The following TOP6BL variants were observed in gnomAD, a reference collection of about 807,000 sequenced individuals.
The protein encoded by TOP6BL is TOP6B like initiator of meiotic double strand breaks.
At chr11:66,770,480 G>C in the TOP6BL span, among the ~76,000 whole-genome samples, 1 of 152,076 alleles carries the variant, frequency 6.6e-6, no homozygotes, top group Admixed American at 6.5e-5. Context: ...GAGGTGGGAG[G>C]ATCACCTGAG....
chr11:66,840,766 C>CTG, the TOP6BL span, among the ~76,000 whole-genome samples: 1 of 152,202 alleles, frequency 6.6e-6, no homozygotes, highest in African/African-American at 2.4e-5. Flanking sequence ...AAATTTGGCA[C>CTG]TGTAAGGCTA....
chr11:66,779,364 C>G, the TOP6BL span, among the ~76,000 whole-genome samples: 1 of 152,150 alleles, frequency 6.6e-6, no homozygotes, highest in Non-Finnish European at 1.5e-5. Context: ...TGAACAGACA[C>G]TTCTCAAAAG....
chr11:66,746,076 G>T, the TOP6BL span, among the ~76,000 whole-genome samples: 1 of 152,084 alleles, frequency 6.6e-6, no homozygotes, highest in Non-Finnish European at 1.5e-5. Flanking sequence ...CTCCCAAAGT[G>T]CTGGGACCGG....
the TOP6BL span, among the ~76,000 whole-genome samples, chr11:66,781,024 G>A: frequency 3.3e-5 from 5 of 151,910 alleles, no homozygotes; most frequent in African/African-American, 9.7e-5. Context: ...ATATACCTAG[G>A]TGTGATTTTC....
the TOP6BL span, among the ~76,000 whole-genome samples, chr11:66,770,023 G>A: frequency 5.9e-5 from 9 of 152,104 alleles, no homozygotes; most frequent in Non-Finnish European, 1.0e-4. Flanking sequence ...GGGATTACAG[G>A]CGTGAGCCAC....
At chr11:66,818,546 A>G in the TOP6BL span, among the ~76,000 whole-genome samples, 1 of 152,218 alleles carries the variant, frequency 6.6e-6, no homozygotes, top group South Asian at 2.1e-4. Context: ...TGTGGAAAAG[A>G]CATCAGGGTG....
the TOP6BL span, among the ~76,000 whole-genome samples, chr11:66,814,450 A>G: frequency 1.3e-5 from 2 of 151,936 alleles, no homozygotes; most frequent in African/African-American, 2.4e-5. Flanking sequence ...TTTGGTAGAG[A>G]CAGAGTTTCC....
the TOP6BL span, among the ~76,000 whole-genome samples, chr11:66,752,596 C>A: frequency 6.6e-6 from 1 of 151,824 alleles, no homozygotes; most frequent in African/African-American, 2.4e-5. Context: ...GGATTACAGG[C>A]GTTACACCAC....
At chr11:66,825,854 T>C in the TOP6BL span, among the ~76,000 whole-genome samples, 7 of 151,960 alleles carry the variant, frequency 4.6e-5, no homozygotes, top group Admixed American at 2.6e-4. Flanking sequence ...TTTTTTTTTT[T>C]TCTCTGAGAC....
chr11:66,825,572 G>T, the TOP6BL span, among the ~76,000 whole-genome samples: 1 of 151,724 alleles, frequency 6.6e-6, no homozygotes, highest in Non-Finnish European at 1.5e-5. Context: ...GCAGCCTACA[G>T]CCCAGAGGAG....
the TOP6BL span, among the ~76,000 whole-genome samples, chr11:66,799,884 A>T: frequency 3.3e-5 from 5 of 152,074 alleles, no homozygotes; most frequent in African/African-American, 4.8e-5. Flanking sequence ...GTTCAAGACC[A>T]GCCTGGGCAA....
the TOP6BL span, chr11:66,796,207 G>A: frequency 2.6e-6 from 3 of 1,140,884 alleles, no homozygotes; most frequent in Non-Finnish European, 3.8e-6. Flanking sequence ...TTTAGAAGAG[G>A]AAATACCGTT....
chr11:66,754,364 C>CT, the TOP6BL span, among the ~76,000 whole-genome samples: 330 of 152,160 alleles, frequency 2.2e-3, 3 homozygotes, highest in South Asian at 4.1e-3. Context: ...ATTTTTATCT[C>CT]TTCTACTTTC....
At chr11:66,831,914 T>G in the TOP6BL span, among the ~76,000 whole-genome samples, 2 of 148,592 alleles carry the variant, frequency 1.3e-5, no homozygotes, top group African/African-American at 5.0e-5. Flanking sequence ...GGAGAATTGC[T>G]TGAACCCGGG....
At chr11:66,748,059 AAAAC>A in the TOP6BL span, among the ~76,000 whole-genome samples, 3 of 152,198 alleles carry the variant, frequency 2.0e-5, no homozygotes, top group Admixed American at 2.0e-4. Context: ...AGAAACAAGA[AAAAC>A]AAACTCCCAC....
the TOP6BL span, among the ~76,000 whole-genome samples, chr11:66,782,350 C>G: frequency 1.8e-4 from 27 of 152,190 alleles, no homozygotes; most frequent in African/African-American, 6.0e-4. Flanking sequence ...AGCACCTGCT[C>G]TGTGGGAAAT....
chr11:66,843,249 C>T, the TOP6BL span: 207 of 1,607,006 alleles, frequency 1.3e-4, no homozygotes, highest in Non-Finnish European at 1.4e-5. Context: ...GGTCCCCTTC[C>T]GCAAGCGCCC....
At chr11:66,802,969 A>G in the TOP6BL span, among the ~76,000 whole-genome samples, 1 of 152,204 alleles carries the variant, frequency 6.6e-6, no homozygotes, top group African/African-American at 2.4e-5. Context: ...TAATTAATTC[A>G]TTCATTCTTA....
the TOP6BL span, among the ~76,000 whole-genome samples, chr11:66,773,800 G>C: frequency 6.6e-6 from 1 of 151,966 alleles, no homozygotes; most frequent in African/African-American, 2.4e-5. Flanking sequence ...GCAGTGGAGT[G>C]ATCTCAGCTC....
Sources: gnomAD v4.1 joint callset for allele counts (sites outside exome capture counted in the v4.1 genomes callset) on GRCh38, gnomAD v4.1.1 for gene constraint, MANE v1.5 for transcripts, NCBI Gene and HGNC (gene_info 2026-07-23, HGNC 2026-07-21) for gene names.